Variants in CLN3 observed in about 807,000 individuals in gnomAD.
CLN3 encodes the protein CLN3 lysosomal/endosomal transmembrane protein, battenin, also known as battenin.
Under a neutral mutation model 60.7 loss-of-function variants are expected in CLN3, and 49 were observed. The ratio of observed to expected loss-of-function variants is 0.81; its 90% CI spans 0.64 to 1.02. CLN3 has a LOEUF of 1.02. CLN3 is among the 50% of genes least tolerant of loss of function. The probability of loss-of-function intolerance (pLI) is 0.00; values close to 1 mark genes in which losing one functional copy is unlikely to be tolerated. For missense variants in CLN3, 516 were observed against 557.4 expected (o/e 0.93, Z 0.75); for synonymous variants, 256 against 245.8 (o/e 1.04, Z -0.39).
chr16:28,491,871 G>C, intron 1 of CLN3, 36 bp from the exon 2 acceptor site: 4 of 1,384,108 alleles, frequency 2.9e-6, no homozygotes, highest in Non-Finnish European at 4.0e-6. Context: ...CCCGATTGCC[G>C]GTCCCAGCTC....
chr16:28,485,211 G>A lies in CLN3; in HGVS notation c.678-1093C>T, dbSNP rs1222962267. ...GCCCGCCTCGGCCTCCCAAAGTGCT[G>A]GGATTACAGATGTGAGCCACCATGC... is the stretch of plus-strand genomic sequence containing the variant. On this transcript the variant is annotated intron_variant, in intron 9 of 15. Transcript: ENST00000636147. 2.0e-5 allele frequency among the ~76,000 whole-genome samples: 3 copies of A among 150,486 alleles called. No individual in the cohort carries two copies. The Admixed American group carries it at 2.0e-4, about 10-fold the overall frequency.
At chr16:28,490,054 T>C (rs2046287865) in intron 3 of CLN3, among the ~76,000 whole-genome samples, 2 of 108,224 alleles carry the variant, frequency 1.8e-5, no homozygotes, top group Admixed American at 1.1e-4. Flanking sequence ...CGAGACTCTA[T>C]CTCAAAAAAA....
In CLN3 at chr16:28,487,983, G is replaced by T. The variant is rs1448300020; in HGVS notation, c.295-242C>A. On this transcript the variant is annotated intron_variant, in intron 5 of 15. Transcript: ENST00000636147. ...GAATATCATAGCACCTAGCTCACAG[G>T]ACTGCTGTGTGGCTTAAATGAGCTA... 3 of 512,026 alleles carry T rather than the reference G, an allele frequency of 5.9e-6. No homozygotes were observed. The East Asian group carries it at 1.1e-4, about 19-fold the overall frequency. The allele number at this position is 512,026 out of a possible 1,614,324, so 31.7% of individuals were successfully genotyped here.
At chr16:28,484,739 A>C (rs2046175410) in intron 9 of CLN3, 1 of 155,546 alleles carries the variant, frequency 6.4e-6, no homozygotes, top group Admixed American at 6.2e-5. Flanking sequence ...GCTCCCATTA[A>C]TTATACGTTC....
chr16:28,472,112 T>C (rs1567251251), downstream of CLN3, among the ~76,000 whole-genome samples: 1 of 152,252 alleles, frequency 6.6e-6, no homozygotes, highest in Non-Finnish European at 1.5e-5. Context: ...AGTGTTGTAT[T>C]GGTGTAAGAA....
At chr16:28,482,415 G>T in intron 12 of CLN3, 33 bp from the exon 13 acceptor site, 2 of 1,613,752 alleles carry the variant, frequency 1.2e-6, no homozygotes, top group Non-Finnish European at 1.7e-6. Context: ...GAGATGGACG[G>T]GGCTGTGTGG....
chr16:28,470,800 C>T (rs1180886970), downstream of CLN3, among the ~76,000 whole-genome samples: 10 of 146,180 alleles, frequency 6.8e-5, no homozygotes, highest in East Asian at 2.1e-4. Context: ...CTACAGGTCA[C>T]GGAGAAGATC....
chr16:28,487,375 G>C, intron 7 of CLN3, 81 bp downstream of exon 7: 1 of 1,139,076 alleles, frequency 8.8e-7, no homozygotes, highest in African/African-American at 1.5e-5. Flanking sequence ...CTTTCCTCTG[G>C]GAGGCTGGGG....
chr16:28,474,804 A>T (rs902448180), downstream of CLN3, among the ~76,000 whole-genome samples: 1 of 152,230 alleles, frequency 6.6e-6, no homozygotes, highest in Admixed American at 6.5e-5. Context: ...TAACAAATGG[A>T]TAAATAAAAT....
At chr16:28,484,320 C>CT in intron 9 of CLN3, 1 of 593,528 alleles carries the variant, frequency 1.7e-6, no homozygotes, top group Non-Finnish European at 3.0e-6. Flanking sequence ...CTGAATTTAT[C>CT]TCCTTATTCC....
At chr16:28,482,306 C>A (rs758705119) in intron 13 of CLN3, 21 bp downstream of exon 13, 8 of 1,612,672 alleles carry the variant, frequency 5.0e-6, no homozygotes, top group Non-Finnish European at 6.8e-6. Context: ...CCTCCCAGCC[C>A]ACTGCCCTCG....
chr16:28,485,480 A>C (rs572384856), intron 9 of CLN3, among the ~76,000 whole-genome samples: 1 of 147,218 alleles, frequency 6.8e-6, no homozygotes, highest in South Asian at 2.1e-4. Context: ...AGGCAGGAGA[A>C]TCACTAGAGC....
In CLN3 at chr16:28,477,882, G is replaced by A. The variant is rs1266477971; in HGVS notation, c.1057-5C>T. 3.7e-6 allele frequency: 6 copies of A among 1,613,510 alleles called. 1 individual carries two copies. In the East Asian group the frequency reaches 1.1e-4, roughly 30 times the overall value. Reference sequence around the variant, plus strand: ...CAGGAACACCAGGTTGAGGCACTGTGAACAGGGGGAGAGGCTAAGCCTGGG... The same window carrying A: ...CAGGAACACCAGGTTGAGGCACTGTAAACAGGGGGAGAGGCTAAGCCTGGG... On this transcript the variant is annotated splice_polypyrimidine_tract_variant and splice_region_variant and intron_variant, in intron 14 of 15. Coordinates refer to ENST00000636147, the MANE Select transcript of CLN3 (RefSeq NM_001042432.2).
rs547926703 is a variant in CLN3 at position 28,491,229 on chromosome 16, TAAGGCTG to T, written c.125+246_125+252del. 2.8e-4 allele frequency among the ~76,000 whole-genome samples: 43 copies of T among 152,324 alleles called. No individual in the cohort carries two copies. The East Asian group carries it at 6.9e-3, about 25-fold the overall frequency. ...TAAAAATATGTGCACTAAAAAACGT[TAAGGCTG>T]AATTGGCTGGAAGAAAAAAGTAAAT... is the stretch of plus-strand genomic sequence containing the variant. On this transcript the variant is annotated intron_variant, in intron 3 of 15. Coordinates refer to ENST00000636147, the MANE Select transcript of CLN3 (RefSeq NM_001042432.2).
At position 28,477,316 on chromosome 16, in the gene CLN3, T is replaced by C. The variant is rs561135374; in HGVS notation, c.*200A>G. 54 of 655,532 alleles carry C rather than the reference T, an allele frequency of 8.2e-5. No homozygotes were observed. Among genetic ancestry groups the C allele is most frequent in the Non-Finnish European group, 9.0e-5 (34 of 377,574 alleles). 40.6% of individuals were successfully genotyped at this position (655,532 alleles called of 1,614,324 possible). On this transcript the variant is annotated 3_prime_UTR_variant, in exon 16 of 16. Coordinates refer to ENST00000636147, the MANE Select transcript of CLN3 (RefSeq NM_001042432.2). ...ATCGGCATTTATTCAGAAGGCATGA[T>C]GCCAGGAAGAAACTCCCCAAGTGGG...
intron 3 of CLN3, 42 bp from the exon 4 acceptor site, chr16:28,489,428 CAGCCATCTGT>C (rs1244582824): frequency 1.4e-6 from 2 of 1,424,042 alleles, no homozygotes; most frequent in Non-Finnish European, 2.0e-6. Context: ...CCTCATCCTG[CAGCCATCTGT>C]AGCCTTTGTG....
At position 28,477,646 on chromosome 16, in the gene CLN3, A is replaced by T; in HGVS notation, c.1198-11T>A. On this transcript the variant is annotated splice_polypyrimidine_tract_variant and intron_variant, in intron 15 of 15. Coordinates refer to ENST00000636147, the MANE Select transcript of CLN3 (RefSeq NM_001042432.2). ...GTGCTCATCACTGGTCTGGGAGGGC[A>T]GAGAGCAGGGGTGAGGCTTCAGTCC... 6.2e-7 allele frequency: 1 copy of T among 1,614,028 alleles called. No homozygotes were observed. The highest frequency in any genetic ancestry group is 8.5e-7 in the Non-Finnish European group (1 of 1,180,032).
chr16:28,473,268 T>G (rs2045966679), downstream of CLN3, among the ~76,000 whole-genome samples: 1 of 151,832 alleles, frequency 6.6e-6, no homozygotes, highest in South Asian at 2.1e-4. Flanking sequence ...CCAGGATAAT[T>G]TTTTCTTTTT....
At chr16:28,489,488 C>T in intron 3 of CLN3, 102 bp from the exon 4 acceptor site, 2 of 809,258 alleles carry the variant, frequency 2.5e-6, no homozygotes, top group Non-Finnish European at 2.1e-6. Context: ...TCAGCCCCCT[C>T]TTTTTTTTCC....
Sources: gnomAD v4.1 joint callset for allele counts (sites outside exome capture counted in the v4.1 genomes callset) on GRCh38, gnomAD v4.1.1 for gene constraint, MANE v1.5 for transcripts, NCBI Gene and HGNC (gene_info 2026-07-23, HGNC 2026-07-21) for gene names.